Variants in MAGI1 observed in about 807,000 individuals in gnomAD.
MAGI1 encodes membrane-associated guanylate kinase, WW and PDZ domain-containing protein 1.
MAGI1 carries 58 observed loss-of-function variants against 139.9 expected under a neutral mutation model. The ratio of observed to expected loss-of-function variants is 0.41; its 90% confidence interval spans 0.34 to 0.52. MAGI1 has a LOEUF of 0.52. MAGI1 is among the 20% of genes least tolerant of loss of function. MAGI1 has a pLI of 0.12. For missense variants in MAGI1, 1,874 were observed against 1,901.6 expected (o/e 0.99, Z 0.27); for synonymous variants, 812 against 737.9 (o/e 1.10, Z -1.63).
At chr3:65,598,870 T>G (rs775466041) in intron 2 of MAGI1, among the ~76,000 whole-genome samples, 8 of 152,186 alleles carry the variant, frequency 5.3e-5, no homozygotes, top group Non-Finnish European at 1.0e-4. Context: ...GTGAGAAAAC[T>G]TTATTGAGAG....
At chr3:65,584,091 A>AC (rs1474536874) in intron 2 of MAGI1, among the ~76,000 whole-genome samples, 2 of 151,156 alleles carry the variant, frequency 1.3e-5, no homozygotes, top group African/African-American at 4.9e-5. Flanking sequence ...CTCTTGAAAA[A>AC]AAAAAAAAAA....
intron 1 of MAGI1, among the ~76,000 whole-genome samples, chr3:65,953,975 T>G (rs2063988341): frequency 6.6e-6 from 1 of 152,200 alleles, no homozygotes; most frequent in Non-Finnish European, 1.5e-5. Flanking sequence ...CATTTGGCTG[T>G]GTGAACTGGC....
At chr3:65,364,970 A>G (rs1941269162) in intron 18 of MAGI1, 24 bp from the exon 19 acceptor site, 1 of 1,592,142 alleles carries the variant, frequency 6.3e-7, no homozygotes, top group South Asian at 1.1e-5. Context: ...CAGAGCATAA[A>G]GAAATGAAGA....
intron 1 of MAGI1, among the ~76,000 whole-genome samples, chr3:65,631,267 A>C (rs2084287837): frequency 6.6e-6 from 1 of 152,222 alleles, no homozygotes; most frequent in African/African-American, 2.4e-5. Context: ...CTTAACTGGT[A>C]ATGAACAGCT....
chr3:65,928,643 A>G (rs1380471798), intron 1 of MAGI1, among the ~76,000 whole-genome samples: 1 of 152,190 alleles, frequency 6.6e-6, no homozygotes, highest in Non-Finnish European at 1.5e-5. Flanking sequence ...ATTCTATAGT[A>G]CATGTCAAAC....
At chr3:65,841,324 A>C (rs1346516612) in intron 1 of MAGI1, among the ~76,000 whole-genome samples, 30 of 150,814 alleles carry the variant, frequency 2.0e-4, no homozygotes, top group Admixed American at 2.0e-3. Context: ...CCTTGGGTTT[A>C]TTTTGCTCCT....
rs567813654 is a variant in MAGI1, at chr3:65,866,141, T to C, written c.313+171855A>G. Among the ~76,000 whole-genome samples, 242 of 151,390 alleles carry C rather than the reference T, an allele frequency of 1.6e-3. 4 individuals are homozygous for C. Among genetic ancestry groups the C allele is most frequent in the Admixed American group, 2.8e-3 (43 of 15,176 alleles). ...AATATATAAATATAAAACATGTAAA[T>C]TATATAAAATATATACTACGTATAA... On this transcript the variant is annotated intron_variant, in intron 1 of 22. Coordinates refer to ENST00000402939, the MANE Select transcript of MAGI1 (RefSeq NM_001033057.2).
chr3:65,785,111 T>C (rs1338607086), intron 1 of MAGI1, among the ~76,000 whole-genome samples: 1 of 152,252 alleles, frequency 6.6e-6, no homozygotes, highest in African/African-American at 2.4e-5. Flanking sequence ...TTGTATGACA[T>C]ATTAGTTATA....
At chr3:65,431,239 T>C (rs910344380) in intron 10 of MAGI1, among the ~76,000 whole-genome samples, 1 of 152,174 alleles carries the variant, frequency 6.6e-6, no homozygotes, top group South Asian at 2.1e-4. Flanking sequence ...CTGTTTTATG[T>C]CTTTTGTTTT....
intron 1 of MAGI1, among the ~76,000 whole-genome samples, chr3:65,806,274 CA>C (rs2040848200): frequency 6.6e-6 from 1 of 151,844 alleles, no homozygotes; most frequent in African/African-American, 2.4e-5. Context: ...ACCAAAAATA[CA>C]AAAATTAGCC....
chr3:65,574,883 C>CT lies in MAGI1; in HGVS notation c.430+47088dup, dbSNP rs904503682. Reference sequence around the variant, plus strand: ...AAGGAAATCTTTTCAACAAGTGACACTAAAACAATTGGACTTTCACATTTA... The same window carrying CT: ...AAGGAAATCTTTTCAACAAGTGACACTTAAAACAATTGGACTTTCACATTTA... On this transcript the variant is annotated intron_variant, in intron 2 of 22. Transcript: ENST00000402939. 7.4e-4 allele frequency among the ~76,000 whole-genome samples: 113 copies of CT among 152,054 alleles called. 1 individual carries two copies. The highest frequency in any genetic ancestry group is 2.5e-3 in the African/African-American group (104 of 41,512).
Position 65,473,838 on chromosome 3 carries a change from C to T in MAGI1, c.758-3354G>A, listed in dbSNP as rs547447647. Among the ~76,000 whole-genome samples the T allele has an allele frequency of 2.0e-5, 3 of 152,116 alleles. No homozygotes were observed. In the East Asian group the frequency reaches 5.8e-4, roughly 29 times the overall value. On this transcript the variant is annotated intron_variant, in intron 4 of 22. Coordinates refer to ENST00000402939, the MANE Select transcript of MAGI1 (RefSeq NM_001033057.2). ...TATGCTTTCCATATCTTCTTCTCAG[C>T]TCAACAGAATCTGAATCTCATTCTC...
chr3:65,493,484 T>G (rs2107670417), intron 3 of MAGI1, 28 bp downstream of exon 3: 1 of 1,614,008 alleles, frequency 6.2e-7, no homozygotes, highest in Non-Finnish European at 8.5e-7. Context: ...GGAGAGAAGC[T>G]TTTTATGCTG....
At chr3:65,895,113 T>C (rs1407303274) in intron 1 of MAGI1, among the ~76,000 whole-genome samples, 1 of 152,130 alleles carries the variant, frequency 6.6e-6, no homozygotes, top group African/African-American at 2.4e-5. Flanking sequence ...AATATGTGCA[T>C]GGTTGGGCAT....
At chr3:65,678,882 T>C (rs1559779270) in intron 1 of MAGI1, among the ~76,000 whole-genome samples, 1 of 152,218 alleles carries the variant, frequency 6.6e-6, no homozygotes, top group Non-Finnish European at 1.5e-5. Context: ...CTCTTACTCA[T>C]TTTAATGTAT....
chr3:65,448,590 C>T (rs1417105036), intron 6 of MAGI1, among the ~76,000 whole-genome samples: 1 of 151,910 alleles, frequency 6.6e-6, no homozygotes, highest in Non-Finnish European at 1.5e-5. Context: ...CAAAAAGGAG[C>T]TGGAAAGATG....
chr3:65,638,346 AT>A (rs1009783897), intron 1 of MAGI1, among the ~76,000 whole-genome samples: 11 of 151,960 alleles, frequency 7.2e-5, no homozygotes, highest in Non-Finnish European at 1.5e-4. Context: ...ACAGAAAAGA[AT>A]TTTTTTTAAG....
At chr3:65,949,230 T>C (rs1189048190) in intron 1 of MAGI1, among the ~76,000 whole-genome samples, 1 of 152,224 alleles carries the variant, frequency 6.6e-6, no homozygotes, top group Non-Finnish European at 1.5e-5. Context: ...GTGCAAGCTG[T>C]GTCCAACATT....
intron 1 of MAGI1, among the ~76,000 whole-genome samples, chr3:65,754,168 G>A (rs765248151): frequency 1.5e-4 from 23 of 152,030 alleles, no homozygotes; most frequent in Non-Finnish European, 3.1e-4. Flanking sequence ...TGATTTTAAA[G>A]GATAAAAGCA....
Sources: allele counts gnomAD v4.1 joint callset (sites outside exome capture counted in the v4.1 genomes callset), GRCh38; gene constraint gnomAD v4.1.1; transcripts MANE v1.5; gene names NCBI Gene and HGNC (gene_info 2026-07-23, HGNC 2026-07-21).